The following ATP9A variants were observed in gnomAD, a reference collection of about 807,000 sequenced individuals.
ATP9A encodes the protein ATPase phospholipid transporting 9A.
A neutral mutation model predicts 144.1 loss-of-function variants in ATP9A; 52 were observed. The observed-to-expected ratio is 0.36, with a 90% confidence interval of 0.29 to 0.45. ATP9A has a LOEUF of 0.45. Among genes scored for constraint, ATP9A ranks in the 20% least tolerant of loss-of-function variants. The pLI is 1.00. For synonymous variants in ATP9A, 582 were observed against 557.4 expected (o/e 1.04, Z -0.62); for missense variants, 947 against 1,392.7 (o/e 0.68, Z 5.09).
intron 3 of ATP9A, among the ~76,000 whole-genome samples, chr20:51,714,357 G>C (rs2077652978): frequency 1.3e-5 from 2 of 151,794 alleles, no homozygotes; most frequent in Admixed American, 6.6e-5. Context: ...GCTAATTTTT[G>C]TATTTTTGGT....
chr20:51,756,998 C>T (rs1246466027), intron 1 of ATP9A, among the ~76,000 whole-genome samples: 3 of 152,018 alleles, frequency 2.0e-5, no homozygotes, highest in African/African-American at 7.2e-5. Context: ...AGTCCAGTGG[C>T]TCTGAGGGCC....
chr20:51,642,676 A>T (rs1447385182), intron 14 of ATP9A, among the ~76,000 whole-genome samples: 1 of 135,586 alleles, frequency 7.4e-6, no homozygotes, highest in East Asian at 2.4e-4. Context: ...CAGTAAGCTG[A>T]AACCATGCCA....
chr20:51,633,761 G>C (rs1471937231), intron 15 of ATP9A, among the ~76,000 whole-genome samples: 1 of 133,146 alleles, frequency 7.5e-6, no homozygotes, highest in Admixed American at 7.8e-5. Flanking sequence ...AGAAAGAAAA[G>C]AAGAGAAAAG....
intron 1 of ATP9A, among the ~76,000 whole-genome samples, chr20:51,736,909 G>A (rs558738190): frequency 1.2e-3 from 187 of 152,186 alleles, no homozygotes; most frequent in Non-Finnish European, 2.4e-3. Context: ...ACAGACTCTC[G>A]ATATGTTATA....
intron 13 of ATP9A, among the ~76,000 whole-genome samples, chr20:51,667,608 G>T (rs1176834154): frequency 6.6e-6 from 1 of 152,168 alleles, no homozygotes; most frequent in Non-Finnish European, 1.5e-5. Context: ...CCCACTGCAA[G>T]TCTCAGACTC....
At chr20:51,655,826 G>C (rs1169956882) in intron 14 of ATP9A, among the ~76,000 whole-genome samples, 1 of 151,322 alleles carries the variant, frequency 6.6e-6, no homozygotes, top group Non-Finnish European at 1.5e-5. Flanking sequence ...TCAAATACTT[G>C]TACACAATTG....
chr20:51,730,508 C>G (rs918557871), intron 1 of ATP9A, among the ~76,000 whole-genome samples: 14 of 152,150 alleles, frequency 9.2e-5, no homozygotes, highest in African/African-American at 2.9e-4. Context: ...GCTTTGTCCC[C>G]AATCCCAAAT....
intron 10 of ATP9A, 66 bp downstream of exon 10, chr20:51,676,059 AATATCTC>A: frequency 8.9e-7 from 1 of 1,120,824 alleles, no homozygotes; most frequent in Non-Finnish European, 1.3e-6. Flanking sequence ...TTCCTATTTT[AATATCTC>A]GTCACTCACC....
intron 3 of ATP9A, among the ~76,000 whole-genome samples, chr20:51,720,748 C>T (rs929741127): frequency 7.9e-5 from 12 of 152,130 alleles, no homozygotes; most frequent in African/African-American, 2.4e-4. Context: ...GCATGAGAAT[C>T]GTTTGAACCC....
At chr20:51,676,233 A>G (rs776642387) in intron 9 of ATP9A, 25 bp from the exon 10 acceptor site, 63 of 1,564,584 alleles carry the variant, frequency 4.0e-5, no homozygotes, top group African/African-American at 9.7e-5. Context: ...AGAAAAAAAA[A>G]AAAAGAAAAG....
At chr20:51,613,490 G>C (rs558173654) in intron 23 of ATP9A, among the ~76,000 whole-genome samples, 187 bp downstream of exon 23, 128 of 152,340 alleles carry the variant, frequency 8.4e-4, no homozygotes, top group African/African-American at 3.0e-3. Flanking sequence ...CTATCAGCTG[G>C]AATGCAGCCA....
intron 9 of ATP9A, among the ~76,000 whole-genome samples, chr20:51,679,135 C>G (rs1249755665): frequency 6.6e-6 from 1 of 151,698 alleles, no homozygotes; most frequent in Non-Finnish European, 1.5e-5. Flanking sequence ...ACCAGCCTGG[C>G]CAACATGGCG....
At chr20:51,726,926 C>G (rs2077716777) in intron 2 of ATP9A, among the ~76,000 whole-genome samples, 1 of 117,008 alleles carries the variant, frequency 8.5e-6, no homozygotes, top group South Asian at 3.2e-4. Flanking sequence ...TGAGACGGAG[C>G]CTTGCTCTGT....
At chr20:51,761,739 G>A (rs1219257994) in intron 1 of ATP9A, among the ~76,000 whole-genome samples, 6 of 150,884 alleles carry the variant, frequency 4.0e-5, no homozygotes, top group South Asian at 4.2e-4. Context: ...CAGCCTGGGC[G>A]ACAGAGCGAG....
chr20:51,652,192 C>T (rs574563162), intron 14 of ATP9A, among the ~76,000 whole-genome samples: 4 of 152,324 alleles, frequency 2.6e-5, no homozygotes, highest in South Asian at 4.1e-4. Context: ...AGCAGTGCTC[C>T]GCTCCTCCGG....
intron 9 of ATP9A, among the ~76,000 whole-genome samples, chr20:51,685,361 C>A (rs1601103532): frequency 6.6e-6 from 1 of 152,148 alleles, no homozygotes; most frequent in Middle Eastern, 3.4e-3. Flanking sequence ...GAGTTTGAGA[C>A]CAGCCTGGAC....
intron 22 of ATP9A, among the ~76,000 whole-genome samples, chr20:51,616,815 G>C (rs930301942): frequency 1.3e-5 from 2 of 152,122 alleles, no homozygotes; most frequent in Non-Finnish European, 2.9e-5. Context: ...AGTGAACTAA[G>C]CCACACTCTT....
chr20:51,745,408 C>T (rs1364215658), intron 1 of ATP9A, among the ~76,000 whole-genome samples: 1 of 146,494 alleles, frequency 6.8e-6, no homozygotes, highest in Non-Finnish European at 1.5e-5. Flanking sequence ...GCACTCCAGC[C>T]AGAGTGAGAT....
chr20:51,625,059 G>T, intron 18 of ATP9A, 133 bp downstream of exon 18: 1 of 715,196 alleles, frequency 1.4e-6, no homozygotes, highest in Non-Finnish European at 2.2e-6. Context: ...AGTGCCTGTG[G>T]CCCATTGCAG....
Sources: gnomAD v4.1 joint callset for allele counts (sites outside exome capture counted in the v4.1 genomes callset) on GRCh38, gnomAD v4.1.1 for gene constraint, MANE v1.5 for transcripts, NCBI Gene and HGNC (gene_info 2026-07-23, HGNC 2026-07-21) for gene names.